Variants in FAM193A observed in about 807,000 individuals in gnomAD.
FAM193A encodes the protein family with sequence similarity 193 member A.
FAM193A carries 22 observed loss-of-function variants against 126.5 expected under a neutral mutation model. That is an observed-to-expected ratio of 0.17 (90% CI 0.12 to 0.25). FAM193A has a LOEUF of 0.25. FAM193A is among the 10% of genes least tolerant of loss of function. The probability of loss-of-function intolerance (pLI) is 1.00; values close to 1 mark genes in which losing one functional copy is unlikely to be tolerated. For synonymous variants in FAM193A, 761 were observed against 646.8 expected (o/e 1.18, Z -2.68); for missense variants, 1,675 against 1,672.8 (o/e 1.00, Z -0.02).
chr4:2,694,829 C>T lies in FAM193A; in HGVS notation c.3093-117C>T, dbSNP rs532568304. The stretch of plus-strand genomic sequence containing the variant: ...CCTAGTAACCCTGGGACTATGCACC[C>T]TCTGCGCTGCCTCTTGTCTGTGAAA... On this transcript the variant is annotated intron_variant, in intron 16 of 20. Transcript: ENST00000637812. 3.3e-4 allele frequency: 277 copies of T among 843,394 alleles called. 2 individuals are homozygous for T. In the African/African-American group the frequency reaches 3.5e-3, roughly 11 times the overall value. The allele number at this position is 843,394 out of a possible 1,614,324, so 52.2% of individuals were successfully genotyped here.
At chr4:2,547,250 C>T (rs573300569) in intron 1 of FAM193A, among the ~76,000 whole-genome samples, 9 of 152,060 alleles carry the variant, frequency 5.9e-5, no homozygotes, top group Admixed American at 3.3e-4. Context: ...TAGCTGGTTG[C>T]GGTGGCACAC....
intron 19 of FAM193A, among the ~76,000 whole-genome samples, chr4:2,713,994 A>G (rs887220370): frequency 2.6e-5 from 4 of 152,240 alleles, no homozygotes; most frequent in Non-Finnish European, 5.9e-5. Context: ...CCAAGATTTT[A>G]TAGACTGATT....
At chr4:2,643,926 GTAT>G (rs1175943158) in intron 6 of FAM193A, among the ~76,000 whole-genome samples, 3 of 152,134 alleles carry the variant, frequency 2.0e-5, no homozygotes, top group African/African-American at 7.2e-5. Flanking sequence ...CTTTAAATAT[GTAT>G]TAATTAGGCT....
At chr4:2,710,428 C>T (rs944013030) in intron 19 of FAM193A, among the ~76,000 whole-genome samples, 8 of 152,062 alleles carry the variant, frequency 5.3e-5, no homozygotes, top group Admixed American at 3.9e-4. Context: ...CCGCCTTGGC[C>T]TCCCAAAGTG....
At chr4:2,725,181 GTC>G (rs764016922) in intron 20 of FAM193A, among the ~76,000 whole-genome samples, 5 of 151,788 alleles carry the variant, frequency 3.3e-5, no homozygotes, top group Non-Finnish European at 7.4e-5. Flanking sequence ...ACCTGGCCCT[GTC>G]TCTATTTTTT....
At position 2,607,769 on chromosome 4, in the gene FAM193A, C is replaced by T. The variant is rs199544836; in HGVS notation, c.501+11440C>T. 55 of 490,072 alleles carry T rather than the reference C, an allele frequency of 1.1e-4. No homozygotes were observed. The East Asian group carries it at 1.9e-3, about 17-fold the overall frequency. The allele number at this position is 490,072 out of a possible 1,614,324, so 30.4% of individuals were successfully genotyped here. ...TGCTGGACCATCTGAATGGGGTCCT[C>T]GGACCACACTTTGAGAACCACAGCT... is the stretch of plus-strand genomic sequence containing the variant. On this transcript the variant is annotated intron_variant, in intron 2 of 20. Coordinates refer to ENST00000637812, the MANE Select transcript of FAM193A (RefSeq NM_001366318.2).
At chr4:2,591,399 G>A (rs1414435500) in intron 1 of FAM193A, among the ~76,000 whole-genome samples, 1 of 152,102 alleles carries the variant, frequency 6.6e-6, no homozygotes, top group East Asian at 1.9e-4. Context: ...AGGGTTTAAG[G>A]CAGAGAATGT....
At chr4:2,692,894 G>A (rs1434088003) in intron 15 of FAM193A, among the ~76,000 whole-genome samples, 1 of 151,784 alleles carries the variant, frequency 6.6e-6, no homozygotes, top group African/African-American at 2.4e-5. Flanking sequence ...AGAGAGGAGA[G>A]AGAAGGGAGG....
At chr4:2,722,996 G>A (rs1006259950) in intron 20 of FAM193A, among the ~76,000 whole-genome samples, 5 of 152,122 alleles carry the variant, frequency 3.3e-5, no homozygotes, top group Non-Finnish European at 5.9e-5. Context: ...ACTTTAGGCC[G>A]GGCGCAGTGG....
At chr4:2,594,402 A>G (rs1740733876) in intron 1 of FAM193A, among the ~76,000 whole-genome samples, 1 of 152,076 alleles carries the variant, frequency 6.6e-6, no homozygotes, top group South Asian at 2.1e-4. Flanking sequence ...CCGGCCTTGG[A>G]GAAGCTTCTG....
chr4:2,683,781 T>C (rs922121428), intron 13 of FAM193A, among the ~76,000 whole-genome samples: 1 of 152,260 alleles, frequency 6.6e-6, no homozygotes, highest in Non-Finnish European at 1.5e-5. Context: ...GCATTCCACT[T>C]ACCAGGTGTT....
At chr4:2,582,453 C>T (rs1740002190) in intron 1 of FAM193A, among the ~76,000 whole-genome samples, 1 of 152,070 alleles carries the variant, frequency 6.6e-6, no homozygotes, top group Non-Finnish European at 1.5e-5. Flanking sequence ...TATTTCCTTC[C>T]TTCCTTCTCC....
intron 13 of FAM193A, among the ~76,000 whole-genome samples, chr4:2,683,371 T>C (rs1010764506): frequency 6.6e-6 from 1 of 152,112 alleles, no homozygotes. Flanking sequence ...CTCGGCTCTC[T>C]GTAACCACTG....
At chr4:2,713,934 T>G (rs1014712512) in intron 19 of FAM193A, among the ~76,000 whole-genome samples, 1 of 152,186 alleles carries the variant, frequency 6.6e-6, no homozygotes, top group Non-Finnish European at 1.5e-5. Context: ...GTAAAAAAAT[T>G]TTTTCCTGAT....
intron 1 of FAM193A, among the ~76,000 whole-genome samples, chr4:2,559,096 A>G (rs761561019): frequency 1.3e-5 from 2 of 152,360 alleles, no homozygotes; most frequent in African/African-American, 2.4e-5. Context: ...GTTTGGATCA[A>G]TGATTTCAAT....
At chr4:2,590,953 G>A (rs1740536163) in intron 1 of FAM193A, among the ~76,000 whole-genome samples, 1 of 151,916 alleles carries the variant, frequency 6.6e-6, no homozygotes. Context: ...CTTGAACCTG[G>A]GAGGTGGAGG....
At chr4:2,683,122 G>A (rs1299591202) in intron 13 of FAM193A, among the ~76,000 whole-genome samples, 1 of 152,008 alleles carries the variant, frequency 6.6e-6, no homozygotes, top group Non-Finnish European at 1.5e-5. Flanking sequence ...CTAGGTTGGT[G>A]GTTTTTTTCT....
At chr4:2,729,701 A>G (rs562947468) in intron 20 of FAM193A, among the ~76,000 whole-genome samples, 1 of 152,216 alleles carries the variant, frequency 6.6e-6, no homozygotes, top group Non-Finnish European at 1.5e-5. Flanking sequence ...GCCTCTGCCC[A>G]CCAGGCTGAA....
intron 6 of FAM193A, among the ~76,000 whole-genome samples, chr4:2,640,438 AT>A (rs941926509): frequency 2.0e-5 from 3 of 152,098 alleles, no homozygotes; most frequent in Non-Finnish European, 4.4e-5. Context: ...GAGTGAGAAG[AT>A]TTAGGCTGGG....
Sources: gnomAD v4.1 joint callset for allele counts (sites outside exome capture counted in the v4.1 genomes callset) on GRCh38, gnomAD v4.1.1 for gene constraint, MANE v1.5 for transcripts, NCBI Gene and HGNC (gene_info 2026-07-23, HGNC 2026-07-21) for gene names.